The following CCT3 variants were observed in gnomAD, a reference collection of about 807,000 sequenced individuals.
CCT3 encodes T-complex protein 1 subunit gamma.
CCT3 carries 10 observed loss-of-function variants against 65.3 expected under a neutral mutation model. The observed-to-expected ratio is 0.15, with a 90% confidence interval of 0.09 to 0.26. The LOEUF (loss-of-function observed/expected upper bound fraction) is 0.26. CCT3 is among the 10% of genes least tolerant of loss of function. The pLI is 1.00. For synonymous variants in CCT3, 225 were observed against 242.3 expected, an observed-to-expected ratio of 0.93 and a Z score of 0.66; for missense variants, 626 against 708.7, an observed-to-expected ratio of 0.88 and a Z score of 1.33.
At position 156,338,256 on chromosome 1, in the gene CCT3, A is replaced by G. The variant is rs1241793425; in HGVS notation, c.-72T>C. The G allele has an allele frequency of 2.0e-6, 3 of 1,506,028 alleles. No individual in the cohort carries two copies. Among genetic ancestry groups the G allele is most frequent in the Admixed American group, 2.0e-5 (1 of 50,894 alleles). 93.3% of individuals were successfully genotyped at this position (1,506,028 alleles called of 1,614,324 possible). On this transcript the variant is annotated 5_prime_UTR_variant, in exon 1 of 14. Coordinates refer to ENST00000295688, the MANE Select transcript of CCT3 (RefSeq NM_005998.5). ...GAACCTTCTGGAGAGAGAGAACCAG[A>G]CAGAAGCCCAGAAAACGCTGCCTCC...
chr1:156,338,031 T>G, intron 1 of CCT3, 123 bp downstream of exon 1: 1 of 1,086,340 alleles, frequency 9.2e-7, no homozygotes, highest in African/African-American at 1.6e-5. Context: ...GCTTCCAAAA[T>G]GAAGACGATG....
chr1:156,327,517 T>C (rs1295099893), intron 5 of CCT3, among the ~76,000 whole-genome samples: 1 of 152,194 alleles, frequency 6.6e-6, no homozygotes, highest in Non-Finnish European at 1.5e-5. Context: ...GGTCTCCAGC[T>C]CCTAACCGCG....
At chr1:156,334,681 A>G (rs774870819) in intron 4 of CCT3, 32 bp downstream of exon 4, 2 of 1,606,376 alleles carry the variant, frequency 1.2e-6, no homozygotes, top group Non-Finnish European at 1.7e-6. Context: ...ACTGTCAGAA[A>G]GCAAAAAAAC....
At chr1:156,317,142 C>T (rs2101639072) in intron 10 of CCT3, 24 bp downstream of exon 10, 1 of 1,599,704 alleles carries the variant, frequency 6.3e-7, no homozygotes, top group Non-Finnish European at 8.6e-7. Flanking sequence ...GAAGAAAAGT[C>T]TTGTTTTTAC....
intron 10 of CCT3, among the ~76,000 whole-genome samples, chr1:156,313,362 A>AAAGAGAG (rs1442504002): frequency 1.4e-5 from 2 of 146,086 alleles, no homozygotes; most frequent in Non-Finnish European, 3.0e-5. Context: ...AAAAAAAAAA[A>AAAGAGAG]AGAGAGAGAG....
intron 5 of CCT3, chr1:156,332,544 A>T (rs941579823): frequency 6.6e-5 from 10 of 152,224 alleles, no homozygotes; most frequent in African/African-American, 2.4e-4. Context: ...ATAGTCATTC[A>T]TGGAAATTCA....
intron 5 of CCT3, among the ~76,000 whole-genome samples, chr1:156,328,674 T>C (rs1664968322): frequency 6.6e-6 from 1 of 151,594 alleles, no homozygotes. Context: ...TCGTTAAGAG[T>C]CATCACCACT....
At chr1:156,313,860 C>T (rs577355008) in intron 10 of CCT3, among the ~76,000 whole-genome samples, 12 of 152,076 alleles carry the variant, frequency 7.9e-5, no homozygotes, top group East Asian at 1.9e-4. Flanking sequence ...GAGGCCAAGG[C>T]GGGCGGATCA....
intron 5 of CCT3, among the ~76,000 whole-genome samples, chr1:156,331,298 G>C (rs992483336): frequency 2.6e-5 from 4 of 151,848 alleles, no homozygotes; most frequent in Non-Finnish European, 5.9e-5. Flanking sequence ...AGGCAAGCCT[G>C]GGCAACATGA....
At position 156,310,702 on chromosome 1, in the gene CCT3, CAAG is replaced by C; in HGVS notation, c.1402-16_1402-14del. ...GGGTGTGCTTGGCCTGCAATTGAAGCAAGAAGTAAAGGGGAAAATAAGTTAACA... is the reference window on the plus strand; with the variant it reads ...GGGTGTGCTTGGCCTGCAATTGAAGCAAGTAAAGGGGAAAATAAGTTAACA... On this transcript the variant is annotated splice_polypyrimidine_tract_variant and intron_variant, in intron 12 of 13. Coordinates refer to ENST00000295688, the MANE Select transcript of CCT3 (RefSeq NM_005998.5). The C allele has an allele frequency of 6.2e-7, 1 of 1,611,692 alleles. No homozygotes were observed. The highest frequency in any genetic ancestry group is 2.2e-5 in the East Asian group (1 of 44,850).
At chr1:156,319,667 T>A (rs1238308300) in intron 7 of CCT3, among the ~76,000 whole-genome samples, 1 of 151,966 alleles carries the variant, frequency 6.6e-6, no homozygotes, top group Non-Finnish European at 1.5e-5. Context: ...AGGCCGGGAG[T>A]TCGAGACCAG....
Position 156,312,124 on chromosome 1 carries a change from C to T in CCT3, c.1072G>A (p.Glu358Lys). The T allele has an allele frequency of 2.5e-6, 4 of 1,613,998 alleles. No individual in the cohort carries two copies. The highest frequency in any genetic ancestry group is 3.4e-6 in the Non-Finnish European group (4 of 1,179,998). ...CAGTCAGTGATGAAAGTAAAGTATTCATCTCCAATTTTCTTGATTTCCAAC... is the reference window on the plus strand; with the variant it reads ...CAGTCAGTGATGAAAGTAAAGTATTTATCTCCAATTTTCTTGATTTCCAAC... ...GLLEIKKIGD[E>K]YFTFITDCKD... Residue 358 changes from glutamate (E) to lysine (K), a missense_variant, in exon 11 of 14, where the codon GAA becomes AAA. Physicochemically the swap from Glu to Lys is moderately conservative, Grantham distance 56 (BLOSUM62 1). Transcript: ENST00000295688.
chr1:156,323,286 G>A (rs1664645901), intron 6 of CCT3, among the ~76,000 whole-genome samples: 2 of 147,936 alleles, frequency 1.4e-5, no homozygotes, highest in South Asian at 2.2e-4. Context: ...CTCCAGACTG[G>A]GCAACAAGTA....
chr1:156,320,137 T>C (rs1483354197), intron 7 of CCT3, among the ~76,000 whole-genome samples: 1 of 152,198 alleles, frequency 6.6e-6, no homozygotes, highest in East Asian at 1.9e-4. Context: ...TCAGGCGCAG[T>C]GGCTCACCCT....
At chr1:156,328,266 C>T (rs1489631891) in intron 5 of CCT3, among the ~76,000 whole-genome samples, 1 of 148,244 alleles carries the variant, frequency 6.7e-6, no homozygotes, top group Non-Finnish European at 1.5e-5. Context: ...CCAGCCGCCC[C>T]ATCCGGGAGG....
chr1:156,314,849 C>G (rs530084176), intron 10 of CCT3, among the ~76,000 whole-genome samples: 1 of 152,344 alleles, frequency 6.6e-6, no homozygotes, highest in East Asian at 1.9e-4. Flanking sequence ...TGACATTAGA[C>G]AATCTGGCAG....
rs148953041 is a variant in CCT3 at position 156,310,487 on chromosome 1, C to T, written c.1533+71G>A. On this transcript the variant is annotated intron_variant, in intron 13 of 13. Coordinates refer to ENST00000295688, the MANE Select transcript of CCT3 (RefSeq NM_005998.5). ...CCAGCCTGGGTGACTGAGACTGCGT[C>T]TCAAAAATAAATAAATAGATAAATA... 257 of 1,233,072 alleles carry T rather than the reference C, an allele frequency of 2.1e-4. 2 individuals carry two copies. The highest frequency in any genetic ancestry group is 1.9e-3 in the African/African-American group (121 of 63,982). The allele number at this position is 1,233,072 out of a possible 1,614,324, so 76.4% of individuals were successfully genotyped here. A position where few individuals can be genotyped will look rare whatever the true frequency, so the allele number is the denominator to read the frequency against.
chr1:156,333,303 A>T (rs1665191880), intron 5 of CCT3: 1 of 400,628 alleles, frequency 2.5e-6, no homozygotes, highest in Admixed American at 3.9e-5. Context: ...AAAAAAAAAA[A>T]AAAAAAGAAT....
intron 1 of CCT3, chr1:156,337,762 T>C (rs1487837591): frequency 4.1e-6 from 1 of 245,770 alleles, no homozygotes; most frequent in Non-Finnish European, 7.9e-6. Flanking sequence ...TACTAAGGGA[T>C]GGGCCAAGAA....
Sources: gnomAD v4.1 joint callset for allele counts (sites outside exome capture counted in the v4.1 genomes callset) on GRCh38, gnomAD v4.1.1 for gene constraint, MANE v1.5 for transcripts, NCBI Gene and HGNC (gene_info 2026-07-23, HGNC 2026-07-21) for gene names.